The following UAP1 variants were observed in gnomAD, a reference collection of about 807,000 sequenced individuals.
The protein encoded by UAP1 is UDP-N-acetylglucosamine pyrophosphorylase 1.
In UAP1, 25 loss-of-function variants were observed where a neutral mutation model predicts 58.5. That is an observed-to-expected ratio of 0.43 (90% confidence interval 0.31 to 0.60). UAP1 has a LOEUF of 0.60. UAP1 is among the 20% of genes least tolerant of loss of function. The pLI, the probability that UAP1 is intolerant of heterozygous loss-of-function variation, is 0.11. For missense variants in UAP1, 575 were observed against 630.0 expected, an observed-to-expected ratio of 0.91 and a Z score of 0.93; for synonymous variants, 208 against 213.0, an observed-to-expected ratio of 0.98 and a Z score of 0.21.
chr1:162,575,168 A>G (rs890590787), intron 2 of UAP1, among the ~76,000 whole-genome samples: 11 of 152,292 alleles, frequency 7.2e-5, no homozygotes, highest in Non-Finnish European at 1.3e-4. Context: ...TCCCAGGTTC[A>G]AGTGATTCTC....
intron 5 of UAP1, among the ~76,000 whole-genome samples, chr1:162,583,400 ACCTCAG>A (rs1175077209): frequency 1.3e-5 from 2 of 151,406 alleles, no homozygotes; most frequent in Non-Finnish European, 1.5e-5. Flanking sequence ...TGATCCACAC[ACCTCAG>A]CCTCCCAAAG....
intron 2 of UAP1, among the ~76,000 whole-genome samples, chr1:162,576,340 C>A (rs1286125810): frequency 2.0e-5 from 3 of 152,022 alleles, no homozygotes; most frequent in African/African-American, 7.2e-5. Flanking sequence ...CAAATTTTTG[C>A]GAAACATTTA....
chr1:162,569,160 G>GT (rs1653706424), intron 2 of UAP1, among the ~76,000 whole-genome samples: 1 of 152,218 alleles, frequency 6.6e-6, no homozygotes, highest in South Asian at 2.1e-4. Flanking sequence ...TCTGCAGTAA[G>GT]TTATCAAAGC....
chr1:162,581,517 A>C (rs1292418211), intron 5 of UAP1, 58 bp downstream of exon 5: 2 of 1,503,114 alleles, frequency 1.3e-6, no homozygotes, highest in African/African-American at 1.4e-5. Context: ...TCATATACGC[A>C]TTCCAGAAGT....
chr1:162,570,360 A>T (rs1278802263), intron 2 of UAP1, among the ~76,000 whole-genome samples: 2 of 152,186 alleles, frequency 1.3e-5, no homozygotes, highest in Non-Finnish European at 2.9e-5. Flanking sequence ...TGTCAAGGAT[A>T]TTTTGAAACA....
At chr1:162,563,305 CAT>C (rs577246421) in intron 1 of UAP1, among the ~76,000 whole-genome samples, 26 of 152,182 alleles carry the variant, frequency 1.7e-4, no homozygotes, top group South Asian at 1.5e-3. Flanking sequence ...TAGATGAACA[CAT>C]GTTACCAGTG....
intron 9 of UAP1, among the ~76,000 whole-genome samples, chr1:162,596,569 T>C (rs1223567362): frequency 6.6e-6 from 1 of 152,180 alleles, no homozygotes; most frequent in Non-Finnish European, 1.5e-5. Flanking sequence ...TCTTGGAGGA[T>C]GAGTATGGTT....
chr1:162,567,398 T>C (rs988440902), intron 2 of UAP1, among the ~76,000 whole-genome samples: 1 of 152,240 alleles, frequency 6.6e-6, no homozygotes, highest in Non-Finnish European at 1.5e-5. Context: ...TAAGTGTTTG[T>C]TGAATTGCCC....
chr1:162,578,843 T>C (rs369422576), intron 3 of UAP1, among the ~76,000 whole-genome samples: 10 of 152,304 alleles, frequency 6.6e-5, no homozygotes, highest in African/African-American at 2.4e-4. Context: ...CAAAAATCCC[T>C]TCTTATATGT....
intron 5 of UAP1, 71 bp from the exon 6 acceptor site, chr1:162,587,404 T>C (rs1433790812): frequency 7.0e-7 from 1 of 1,428,782 alleles, no homozygotes; most frequent in African/African-American, 1.4e-5. Context: ...AATGTCATCT[T>C]TGACAATGGC....
At chr1:162,595,064 T>A (rs1655539568) in intron 9 of UAP1, among the ~76,000 whole-genome samples, 1 of 152,230 alleles carries the variant, frequency 6.6e-6, no homozygotes, top group South Asian at 2.1e-4. Context: ...ATTTCTCACC[T>A]TAATGCTTAC....
intron 8 of UAP1, among the ~76,000 whole-genome samples, chr1:162,591,192 T>A (rs1655288927): frequency 2.0e-5 from 3 of 152,154 alleles, no homozygotes; most frequent in Non-Finnish European, 4.4e-5. Context: ...CCCAAAATGC[T>A]GGGATTACAG....
intron 7 of UAP1, 136 bp downstream of exon 7, chr1:162,588,969 G>T: frequency 1.2e-6 from 1 of 860,894 alleles, no homozygotes; most frequent in Non-Finnish European, 1.6e-6. Context: ...TGAGTATGTA[G>T]TCTAGATTCA....
chr1:162,592,093 C>T (rs1267698147), intron 8 of UAP1, among the ~76,000 whole-genome samples: 1 of 152,082 alleles, frequency 6.6e-6, no homozygotes, highest in Non-Finnish European at 1.5e-5. Context: ...TGCAAGAATG[C>T]CTCAATAAAT....
chr1:162,590,590 CTG>C, intron 8 of UAP1, 79 bp downstream of exon 8: 2 of 1,137,570 alleles, frequency 1.8e-6, no homozygotes, highest in Non-Finnish European at 2.4e-6. Context: ...CTCTCTCTCT[CTG>C]TATTCCTAGA....
exon 2 of UAP1, chr1:162,566,329 C>G (rs763253168): frequency 6.2e-7 from 1 of 1,613,596 alleles, no homozygotes. Flanking sequence ...AAGATCAGCT[C>G]CAGGCCTGGG....
At chr1:162,572,741 A>G (rs914143309) in intron 2 of UAP1, among the ~76,000 whole-genome samples, 2 of 152,182 alleles carry the variant, frequency 1.3e-5, no homozygotes, top group Non-Finnish European at 2.9e-5. Context: ...CTTTATCTGC[A>G]TTTCGAAAAT....
At chr1:162,587,377 G>C (rs1352062124) in intron 5 of UAP1, 98 bp from the exon 6 acceptor site, 46 of 1,143,924 alleles carry the variant, frequency 4.0e-5, no homozygotes, top group Non-Finnish European at 5.7e-5. Context: ...ATACCTTTTA[G>C]TGTAAGCAAA....
At chr1:162,592,971 C>T in intron 9 of UAP1, 189 bp downstream of exon 9, 1 of 571,080 alleles carries the variant, frequency 1.8e-6, no homozygotes, top group South Asian at 2.3e-5. Flanking sequence ...AATCTTGTTG[C>T]ATGCTGGAAA....
Sources: allele counts gnomAD v4.1 joint callset (sites outside exome capture counted in the v4.1 genomes callset), GRCh38; gene constraint gnomAD v4.1.1; transcripts MANE v1.5; gene names NCBI Gene and HGNC (gene_info 2026-07-23, HGNC 2026-07-21).